Variants in MDFIC2 observed in about 807,000 individuals in gnomAD.
MDFIC2 encodes myoD family inhibitor domain-containing protein 2.
intron 2 of MDFIC2, among the ~76,000 whole-genome samples, chr3:70,309,728 C>T (rs1419681072): frequency 4.6e-5 from 7 of 152,102 alleles, no homozygotes; most frequent in Non-Finnish European, 4.4e-5. Context: ...CCTGATAATT[C>T]CCAATTAAGA....
At chr3:70,221,173 A>G (rs1432494784) in intron 2 of MDFIC2, among the ~76,000 whole-genome samples, 1 of 152,180 alleles carries the variant, frequency 6.6e-6, no homozygotes. Flanking sequence ...CGTAGATGTC[A>G]GTGAGTTTCC....
At chr3:70,304,548 G>T (rs907055219) in intron 2 of MDFIC2, among the ~76,000 whole-genome samples, 2 of 152,074 alleles carry the variant, frequency 1.3e-5, no homozygotes, top group Admixed American at 6.5e-5. Context: ...AAAGCCGGGG[G>T]TCAGCCTTTG....
intron 2 of MDFIC2, among the ~76,000 whole-genome samples, chr3:70,287,972 G>A (rs990062026): frequency 2.0e-5 from 3 of 151,998 alleles, no homozygotes; most frequent in African/African-American, 7.3e-5. Context: ...AGTCTTGCTA[G>A]CAGTCTATCT....
chr3:70,206,128 T>A (rs1335000612), intron 3 of MDFIC2, among the ~76,000 whole-genome samples: 3 of 152,088 alleles, frequency 2.0e-5, no homozygotes, highest in African/African-American at 7.2e-5. Context: ...GATTGCTTAA[T>A]CTCATAGATT....
intron 2 of MDFIC2, among the ~76,000 whole-genome samples, chr3:70,257,322 A>C (rs573622292): frequency 6.6e-6 from 1 of 152,312 alleles, no homozygotes; most frequent in African/African-American, 2.4e-5. Flanking sequence ...TTGGGGAAGA[A>C]TCTTCCCTTT....
intron 3 of MDFIC2, among the ~76,000 whole-genome samples, chr3:70,204,213 C>T (rs576967856): frequency 6.6e-6 from 1 of 152,286 alleles, no homozygotes; most frequent in East Asian, 1.9e-4. Flanking sequence ...CCACAAACTA[C>T]ATGAAAGTGG....
chr3:70,267,192 C>A (rs1037927832), intron 2 of MDFIC2, among the ~76,000 whole-genome samples: 4 of 151,978 alleles, frequency 2.6e-5, no homozygotes, highest in Admixed American at 2.6e-4. Flanking sequence ...ATACTTAATT[C>A]CCCCTTATGT....
At chr3:70,273,746 T>A (rs1701996444) in intron 2 of MDFIC2, among the ~76,000 whole-genome samples, 1 of 152,242 alleles carries the variant, frequency 6.6e-6, no homozygotes, top group Non-Finnish European at 1.5e-5. Flanking sequence ...AGTAGCTTTT[T>A]CAGATTTGTT....
chr3:70,203,557 C>T (rs1701261273), intron 3 of MDFIC2, among the ~76,000 whole-genome samples: 1 of 151,890 alleles, frequency 6.6e-6, no homozygotes, highest in Admixed American at 6.6e-5. Flanking sequence ...TAAATTTGGG[C>T]TTATGTTTTT....
intron 2 of MDFIC2, among the ~76,000 whole-genome samples, chr3:70,301,542 A>G (rs1033002766): frequency 6.6e-6 from 1 of 152,078 alleles, no homozygotes; most frequent in African/African-American, 2.4e-5. Flanking sequence ...GGAAATGAAA[A>G]CATTTGTTGA....
intron 2 of MDFIC2, among the ~76,000 whole-genome samples, chr3:70,265,242 T>A (rs185951977): frequency 6.2e-4 from 95 of 152,222 alleles, no homozygotes; most frequent in South Asian, 6.2e-3. Context: ...TAAATCATAT[T>A]TAAGTTGAGA....
chr3:70,261,336 C>G (rs1208126119), intron 2 of MDFIC2, among the ~76,000 whole-genome samples: 1 of 152,154 alleles, frequency 6.6e-6, no homozygotes, highest in African/African-American at 2.4e-5. Flanking sequence ...TCATCATAAT[C>G]TAACAACTAT....
At chr3:70,306,950 C>G (rs1307487486) in intron 2 of MDFIC2, among the ~76,000 whole-genome samples, 1 of 151,672 alleles carries the variant, frequency 6.6e-6, no homozygotes, top group Non-Finnish European at 1.5e-5. Flanking sequence ...TTTGCTCATA[C>G]AAATAAATAT....
intron 2 of MDFIC2, among the ~76,000 whole-genome samples, chr3:70,292,925 C>G (rs1014010813): frequency 2.0e-5 from 3 of 151,318 alleles, no homozygotes. Context: ...TTGAAATTAT[C>G]TAACAAGAAA....
At chr3:70,290,890 G>T (rs1702231225) in intron 2 of MDFIC2, among the ~76,000 whole-genome samples, 1 of 152,174 alleles carries the variant, frequency 6.6e-6, no homozygotes, top group South Asian at 2.1e-4. Context: ...CGCTTCCCGA[G>T]TGAGGCAATG....
At chr3:70,261,746 T>C (rs770756458) in intron 2 of MDFIC2, among the ~76,000 whole-genome samples, 1 of 152,166 alleles carries the variant, frequency 6.6e-6, no homozygotes, top group Non-Finnish European at 1.5e-5. Context: ...AACCTGGGCA[T>C]GTGCAGAGGA....
chr3:70,263,631 A>G (rs945257044), intron 2 of MDFIC2, among the ~76,000 whole-genome samples: 1 of 152,204 alleles, frequency 6.6e-6, no homozygotes, highest in African/African-American at 2.4e-5. Context: ...TGTAGATGGT[A>G]TTCAGCAAAA....
chr3:70,203,775 A>T (rs1308920577), intron 3 of MDFIC2, among the ~76,000 whole-genome samples: 1 of 152,146 alleles, frequency 6.6e-6, no homozygotes, highest in East Asian at 1.9e-4. Context: ...TCAAAATTAT[A>T]CATCAATTAG....
chr3:70,290,511 T>C (rs1368209494), intron 2 of MDFIC2, among the ~76,000 whole-genome samples: 1 of 152,188 alleles, frequency 6.6e-6, no homozygotes, highest in Non-Finnish European at 1.5e-5. Flanking sequence ...GGCTGTCTTT[T>C]TGTTTGTCTG....
Sources: gnomAD v4.1 joint callset for allele counts (sites outside exome capture counted in the v4.1 genomes callset) on GRCh38, gnomAD v4.1.1 for gene constraint, MANE v1.5 for transcripts, NCBI Gene and HGNC (gene_info 2026-07-23, HGNC 2026-07-21) for gene names.